Variants in CGN observed in about 807,000 individuals in gnomAD.
CGN encodes cingulin.
A neutral mutation model predicts 157.1 loss-of-function variants in CGN; 121 were observed. The ratio of observed to expected loss-of-function variants is 0.77; its 90% CI spans 0.66 to 0.90. The LOEUF (loss-of-function observed/expected upper bound fraction) is 0.90, where lower values mean the gene tolerates loss of function less well. CGN is among the 40% of genes least tolerant of loss of function. The pLI is 0.00. For missense variants in CGN, 1,424 were observed against 1,520.9 expected, an observed-to-expected ratio of 0.94 and a Z score of 1.06; for synonymous variants, 535 against 607.5, an observed-to-expected ratio of 0.88 and a Z score of 1.76.
intron 1 of CGN, among the ~76,000 whole-genome samples, chr1:151,513,249 G>A (rs1664341129): frequency 6.6e-6 from 1 of 152,178 alleles, no homozygotes; most frequent in Non-Finnish European, 1.5e-5. Flanking sequence ...AGTTTCCCCG[G>A]CCCTCCCCTT....
chr1:151,537,281 G>A lies in CGN; in HGVS notation c.3547G>A (p.Val1183Ile). ...GLSSDEEFDS[V>I]YDPSSIASLL... ...GAGCTCAGATGAGGAATTCGACAGT[G>A]TCTACGATCCCTCGTCCATTGCATC... Residue 1183 changes from valine to isoleucine, a missense_variant, in exon 21 of 21, where the codon GTC (valine) becomes ATC (isoleucine). Physicochemically the swap from Val to Ile is conservative, Grantham distance 29. Coordinates refer to ENST00000271636, the MANE Select transcript of CGN (RefSeq NM_020770.3). 1 of 1,614,064 alleles carries A rather than the reference G, an allele frequency of 6.2e-7. No individual in the cohort carries two copies. The highest frequency in any genetic ancestry group is 8.5e-7 in the Non-Finnish European group (1 of 1,179,924).
chr1:151,532,861 C>T (rs529711722), intron 14 of CGN, among the ~76,000 whole-genome samples: 40 of 152,126 alleles, frequency 2.6e-4, no homozygotes, highest in African/African-American at 8.9e-4. Flanking sequence ...CCTCGTGATC[C>T]GCCCTCCTCG....
chr1:151,527,541 A>T (rs1163563064), intron 10 of CGN, among the ~76,000 whole-genome samples: 1 of 152,236 alleles, frequency 6.6e-6, no homozygotes, highest in Non-Finnish European at 1.5e-5. Flanking sequence ...ATTGAGAAAT[A>T]TCATCACATG....
intron 10 of CGN, 70 bp downstream of exon 10, chr1:151,527,177 C>G: frequency 6.4e-7 from 1 of 1,565,658 alleles, no homozygotes; most frequent in Non-Finnish European, 8.8e-7. Flanking sequence ...TCCATGAGGG[C>G]CTTCTTGCTA....
At position 151,524,469 on chromosome 1, in the gene CGN, GGTACTCAGT is replaced by G. The variant is rs1664621393; in HGVS notation, c.1401+114_1401+122del. ...TATGAGGAGTGGGTGGCTGATTACA[GGTACTCAGT>G]GTGCTTTCAGGTAGATTCAATGGTG... On this transcript the variant is annotated intron_variant, in intron 7 of 20. Transcript: ENST00000271636. This position sits in a 1 kb window ranked among gnomAD's most constrained non-coding sequence, Gnocchi z 4.4. The G allele has an allele frequency of 6.1e-6, 9 of 1,478,418 alleles. No individual in the cohort carries two copies. Among genetic ancestry groups the G allele is most frequent in the Non-Finnish European group, 8.3e-6 (9 of 1,084,360 alleles). The allele number at this position is 1,478,418 out of a possible 1,614,324, so 91.6% of individuals were successfully genotyped here.
At chr1:151,537,128 T>C in intron 20 of CGN, 77 bp from the exon 21 acceptor site, 1 of 1,494,610 alleles carries the variant, frequency 6.7e-7, no homozygotes, top group Non-Finnish European at 9.1e-7. Context: ...AATTGGGGTT[T>C]CCTTTGTACA....
Position 151,536,714 on chromosome 1 carries a change from T to C in CGN, c.3307-16T>C. 6.2e-7 allele frequency: 1 copy of C among 1,613,776 alleles called. No homozygotes were observed. The highest frequency in any genetic ancestry group is 8.5e-7 in the Non-Finnish European group (1 of 1,179,744). On this transcript the variant is annotated splice_polypyrimidine_tract_variant and intron_variant, in intron 19 of 20. Coordinates refer to ENST00000271636, the MANE Select transcript of CGN (RefSeq NM_020770.3). ...GTAGATGCTATTCAGATGTGTGGAC[T>C]TGGTATCCTGCCCAGCTAAGCCTGA...
At chr1:151,535,291 A>T (rs1243995957) in intron 16 of CGN, among the ~76,000 whole-genome samples, 160 bp downstream of exon 16, 2 of 152,116 alleles carry the variant, frequency 1.3e-5, no homozygotes, top group African/African-American at 4.8e-5. Flanking sequence ...AAGGTTGGCC[A>T]GTTTCCTTGG....
Position 151,511,502 on chromosome 1 carries a change from G to A in CGN, c.-28G>A. Reference sequence around the variant, plus strand: ...AGCCCGAACGCAAGCCTGGGAGCGCGGAGCCCGGCTAGGGTGAGTGGACCC... The same window carrying A: ...AGCCCGAACGCAAGCCTGGGAGCGCAGAGCCCGGCTAGGGTGAGTGGACCC... On this transcript the variant is annotated 5_prime_UTR_variant, in exon 1 of 21. Coordinates refer to ENST00000271636, the MANE Select transcript of CGN (RefSeq NM_020770.3). The surrounding 1 kb of genome is among the most constrained non-coding windows in gnomAD (Gnocchi z 4.8). The A allele has an allele frequency of 1.1e-5, 2 of 175,830 alleles. No homozygotes were observed. The highest frequency in any genetic ancestry group is 1.0e-4 in the South Asian group (1 of 9,884). 10.9% of individuals were successfully genotyped at this position (175,830 alleles called of 1,614,324 possible).
intron 11 of CGN, 143 bp from the exon 12 acceptor site, chr1:151,529,766 T>G: frequency 1.2e-6 from 1 of 831,206 alleles, no homozygotes; most frequent in Non-Finnish European, 1.9e-6. Flanking sequence ...AGCGTCTGGC[T>G]GGTGGCAGCT....
At position 151,518,763 on chromosome 1, in the gene CGN, A is replaced by C; in HGVS notation, c.244A>C (p.Ile82Leu). ...EKGGDSFGVQIKGANDQGASG... is the reference protein window; with the variant it reads ...EKGGDSFGVQLKGANDQGASG... Reference sequence around the variant, plus strand: ...AGGCGGTGACTCCTTTGGGGTCCAAATCAAGGGGGCCAATGACCAAGGGGC... The same window carrying C: ...AGGCGGTGACTCCTTTGGGGTCCAACTCAAGGGGGCCAATGACCAAGGGGC... The change falls in exon 2 of 21, where the codon ATC becomes CTC. Residue 82 changes from isoleucine (I) to leucine (L), a missense_variant. Ile to Leu is a conservative substitution (Grantham distance 5). This residue lies in a region of CGN where 1,187 missense variants were observed against 1,217.6 expected (regional missense o/e 0.97). Coordinates refer to ENST00000271636, the MANE Select transcript of CGN (RefSeq NM_020770.3). The C allele has an allele frequency of 6.2e-7, 1 of 1,614,070 alleles. No homozygotes were observed. Among genetic ancestry groups the C allele is most frequent in the South Asian group, 1.1e-5 (1 of 91,084 alleles).
At chr1:151,533,805 A>G (rs1664894810) in intron 14 of CGN, among the ~76,000 whole-genome samples, 170 bp from the exon 15 acceptor site, 1 of 152,240 alleles carries the variant, frequency 6.6e-6, no homozygotes, top group South Asian at 2.1e-4. Flanking sequence ...AAAATGAAAA[A>G]AAAAGAAAAT....
intron 6 of CGN, among the ~76,000 whole-genome samples, chr1:151,523,935 A>G (rs1337411695): frequency 1.3e-5 from 2 of 152,182 alleles, no homozygotes; most frequent in African/African-American, 4.8e-5. Flanking sequence ...AGTGAACCCT[A>G]TAGATGAAGG....
In CGN at chr1:151,530,119, A is replaced by G. The variant is rs759456123; in HGVS notation, c.2313+4A>G. On this transcript the variant is annotated splice_donor_region_variant and intron_variant, in intron 12 of 20. Transcript: ENST00000271636. ...GGACAAGCTGCAGCGGCTGGAGGTC[A>G]GTGGTTCTGCCCTCCCAGCCCTCTC... The G allele has an allele frequency of 6.2e-7, 1 of 1,608,958 alleles. No homozygotes were observed. The highest frequency in any genetic ancestry group is 8.5e-7 in the Non-Finnish European group (1 of 1,176,118).
In CGN at chr1:151,529,366, A is replaced by C. The variant is rs761802775; in HGVS notation, c.1913A>C (p.Gln638Pro). The C allele has an allele frequency of 1.4e-5, 23 of 1,613,524 alleles. No individual in the cohort carries two copies. The highest frequency in any genetic ancestry group is 1.8e-5 in the Non-Finnish European group (21 of 1,179,812). Residue 638 changes from glutamine (Q) to proline (P), a missense_variant, in exon 11 of 21, where the codon CAG becomes CCG. Gln to Pro is a moderately conservative substitution (Grantham distance 76, BLOSUM62 -1). Around this residue, in one of 3 missense-constraint regions of CGN, gnomAD observed 1,187 missense variants for 1,217.6 expected, o/e 0.97. Transcript: ENST00000271636. ...TCCTTCCAGGAGCTGCTCCGGACAC[A>C]GGAGGAGCTTAAGGAACTGCAGGCA... ...EVLKKELLRT[Q>P]EELKELQAER...
intron 1 of CGN, among the ~76,000 whole-genome samples, chr1:151,517,853 C>CT (rs61184418): frequency 0.099 from 13,893 of 139,802 alleles, 2,159 homozygotes; most frequent in African/African-American, 0.33. Context: ...CAAGTAAAAT[C>CT]TTTTTTTTTT....
At position 151,519,312 on chromosome 1, in the gene CGN, C is replaced by T. The variant is rs148740134; in HGVS notation, c.793C>T (p.Arg265Cys). The change falls in exon 2 of 21, where the codon CGT becomes TGT. Residue 265 changes from arginine to cysteine, a missense_variant. Transcript: ENST00000271636. ...CCTGAGTCCTCTCAGTGGCTTTAGC[C>T]GTTCTCGTCAGACTCAGGACTGGGT... is the stretch of plus-strand genomic sequence containing the variant. ...QNLSPLSGFS[R>C]SRQTQDWVLQ... 4.6e-4 allele frequency: 741 copies of T among 1,612,664 alleles called. 2 individuals are homozygous for T. In the African/African-American group the frequency reaches 8.4e-3, roughly 18 times the overall value.
intron 1 of CGN, among the ~76,000 whole-genome samples, chr1:151,514,642 A>G (rs1664368013): frequency 6.6e-6 from 1 of 152,084 alleles, no homozygotes; most frequent in African/African-American, 2.4e-5. Context: ...GCCCTCCAGG[A>G]GCTTATTATC....
rs1664951647 is a variant in CGN at position 151,535,646 on chromosome 1, A to G, written c.3041A>G (p.Gln1014Arg). Residue 1014 changes from glutamine to arginine, a missense_variant, in exon 17 of 21, where the codon CAG (glutamine) becomes CGG (arginine). By Grantham distance (43) the Gln-to-Arg change is conservative. Around this residue, in one of 3 missense-constraint regions of CGN, gnomAD observed 199 missense variants for 272.2 expected, o/e 0.73. Transcript: ENST00000271636. ...CTCATGCAGGAAAGGTCTGCTCGGC[A>G]GGACCTGGAGTGTGACAAAATCTCC... The part of the protein sequence containing the change: ...TELMQERSAR[Q>R]DLECDKISLE... 1 of 1,614,170 alleles carries G rather than the reference A, an allele frequency of 6.2e-7. No homozygotes were observed. The highest frequency in any genetic ancestry group is 8.5e-7 in the Non-Finnish European group (1 of 1,180,004).
Sources: allele counts gnomAD v4.1 joint callset (sites outside exome capture counted in the v4.1 genomes callset), GRCh38; gene constraint gnomAD v4.1.1; regional missense constraint gnomAD v4.1.1; non-coding constraint Gnocchi (gnomAD v3.1); transcripts MANE v1.5; gene names NCBI Gene and HGNC (gene_info 2026-07-23, HGNC 2026-07-21).